The following FIG4 variants were observed in gnomAD, a reference collection of about 807,000 sequenced individuals.
FIG4 encodes FIG4 phosphoinositide 5-phosphatase, also known as polyphosphoinositide phosphatase.
FIG4 carries 112 observed loss-of-function variants against 118.6 expected under a neutral mutation model. That is an observed-to-expected ratio of 0.94 (90% CI 0.81 to 1.11). The LOEUF (loss-of-function observed/expected upper bound fraction) is 1.11. Among genes scored for constraint, FIG4 ranks in the 50% least tolerant of loss-of-function variants. FIG4 has a pLI of 0.00. For missense variants in FIG4, 969 were observed against 1,111.7 expected (o/e 0.87, Z 1.83); for synonymous variants, 369 against 381.2 (o/e 0.97, Z 0.37).
At chr6:109,741,188 C>T (rs1776312875) in intron 7 of FIG4, among the ~76,000 whole-genome samples, 1 of 152,094 alleles carries the variant, frequency 6.6e-6, no homozygotes, top group African/African-American at 2.4e-5. Context: ...GGCCAGTAAC[C>T]CTACACCTGG....
intron 22 of FIG4, among the ~76,000 whole-genome samples, chr6:109,823,605 C>G (rs78266780): frequency 6.6e-6 from 1 of 151,980 alleles, no homozygotes; most frequent in Non-Finnish European, 1.5e-5. Flanking sequence ...TGTATGTCAC[C>G]GTACTATCTA....
At chr6:109,792,531 TA>T in intron 20 of FIG4, 50 bp from the exon 21 acceptor site, 1 of 1,061,826 alleles carries the variant, frequency 9.4e-7, no homozygotes, top group South Asian at 1.3e-5. Context: ...ATTGATATGC[TA>T]TATGTCTAAA....
At chr6:109,801,672 T>C (rs1390353362) in intron 22 of FIG4, among the ~76,000 whole-genome samples, 1 of 152,198 alleles carries the variant, frequency 6.6e-6, no homozygotes, top group Non-Finnish European at 1.5e-5. Context: ...GGTGTGGGCT[T>C]CTACCAGGGG....
At chr6:109,759,908 T>C (rs1049301882) in intron 10 of FIG4, among the ~76,000 whole-genome samples, 2 of 152,168 alleles carry the variant, frequency 1.3e-5, no homozygotes, top group Non-Finnish European at 2.9e-5. Context: ...GGGGCTCCCT[T>C]CTTCTGGTCC....
intron 6 of FIG4, 89 bp from the exon 7 acceptor site, chr6:109,738,236 T>C (rs539883761): frequency 8.9e-7 from 1 of 1,117,764 alleles, no homozygotes; most frequent in Admixed American, 1.9e-5. Context: ...TGTCAGCCAA[T>C]TTCCATATCT....
chr6:109,754,642 T>C (rs1194206397), intron 10 of FIG4, among the ~76,000 whole-genome samples: 1 of 152,182 alleles, frequency 6.6e-6, no homozygotes, highest in Non-Finnish European at 1.5e-5. Flanking sequence ...TATTCAGAGA[T>C]TCAACTTCTT....
chr6:109,728,492 G>T (rs553039665), intron 4 of FIG4, among the ~76,000 whole-genome samples: 46 of 152,086 alleles, frequency 3.0e-4, no homozygotes, highest in Admixed American at 6.6e-4. Context: ...TTTAGGATAG[G>T]TAACAGTTTA....
intron 1 of FIG4, among the ~76,000 whole-genome samples, chr6:109,705,727 G>C (rs747598637): frequency 2.0e-5 from 3 of 152,170 alleles, no homozygotes; most frequent in Non-Finnish European, 4.4e-5. Context: ...TCATCCCATT[G>C]CAATTAATCT....
At chr6:109,733,915 AGTTTTTGT>A (rs1181182447) in intron 5 of FIG4, among the ~76,000 whole-genome samples, 1 of 151,998 alleles carries the variant, frequency 6.6e-6, no homozygotes, top group Admixed American at 6.6e-5. Context: ...TGTAGGTTAA[AGTTTTTGT>A]GCCTCATAAG....
At chr6:109,694,280 T>C (rs544789092) in intron 1 of FIG4, among the ~76,000 whole-genome samples, 11 of 152,324 alleles carry the variant, frequency 7.2e-5, no homozygotes, top group African/African-American at 2.4e-4. Context: ...AGCTTAGCGT[T>C]CCAATAACGG....
At chr6:109,754,926 C>A (rs1276696617) in intron 10 of FIG4, among the ~76,000 whole-genome samples, 1 of 151,436 alleles carries the variant, frequency 6.6e-6, no homozygotes, top group African/African-American at 2.4e-5. Context: ...TTTTTTTTGT[C>A]TCTATTTCCT....
intron 10 of FIG4, among the ~76,000 whole-genome samples, chr6:109,750,809 C>G (rs1776671464): frequency 6.6e-6 from 1 of 152,076 alleles, no homozygotes; most frequent in Admixed American, 6.6e-5. Flanking sequence ...GAAGGTTGCT[C>G]AAACAACATT....
intron 6 of FIG4, among the ~76,000 whole-genome samples, chr6:109,737,572 A>G (rs560824081): frequency 5.3e-5 from 8 of 152,306 alleles, no homozygotes; most frequent in Admixed American, 4.6e-4. Flanking sequence ...TGAGAAAAAA[A>G]TGGTCTTTAT....
intron 1 of FIG4, among the ~76,000 whole-genome samples, chr6:109,692,146 T>G (rs940166523): frequency 1.3e-5 from 2 of 152,252 alleles, no homozygotes; most frequent in African/African-American, 4.8e-5. Flanking sequence ...GCAGATCAGT[T>G]TGTATTTCGA....
At chr6:109,789,326 T>C (rs1461158376) in intron 18 of FIG4, among the ~76,000 whole-genome samples, 2 of 152,182 alleles carry the variant, frequency 1.3e-5, no homozygotes, top group African/African-American at 2.4e-5. Flanking sequence ...ACTGATAACA[T>C]TGAAATTATC....
chr6:109,727,358 A>C, intron 4 of FIG4, 93 bp downstream of exon 4: 2 of 1,013,892 alleles, frequency 2.0e-6, no homozygotes, highest in Admixed American at 1.7e-5. Flanking sequence ...GCATGGTCAT[A>C]GCTTGCTGTA....
chr6:109,810,067 G>A (rs1040915742), intron 22 of FIG4, among the ~76,000 whole-genome samples: 3 of 152,088 alleles, frequency 2.0e-5, no homozygotes, highest in Non-Finnish European at 4.4e-5. Context: ...CCTCCTTAGG[G>A]GCAAGGAGTC....
chr6:109,746,368 G>A (rs1019141822), intron 10 of FIG4, among the ~76,000 whole-genome samples: 4 of 152,254 alleles, frequency 2.6e-5, no homozygotes, highest in Middle Eastern at 6.8e-3. Flanking sequence ...GGTAAATGGT[G>A]CAACAAGAGT....
Position 109,695,017 on chromosome 6 carries a change from A to G in FIG4, c.66+3516A>G, listed in dbSNP as rs540456555. 3.9e-5 allele frequency among the ~76,000 whole-genome samples: 6 copies of G among 152,362 alleles called. 1 individual carries two copies. In the South Asian group the frequency reaches 1.2e-3, roughly 32 times the overall value. On this transcript the variant is annotated intron_variant, in intron 1 of 22. Transcript: ENST00000230124. ...GTAAATTAGTATAGCCATTATAGAA[A>G]ACAGTATGGAGGTTCCTCAAAAAAC... is the stretch of plus-strand genomic sequence containing the variant.
Sources: allele counts gnomAD v4.1 joint callset (sites outside exome capture counted in the v4.1 genomes callset), GRCh38; gene constraint gnomAD v4.1.1; transcripts MANE v1.5; gene names NCBI Gene and HGNC (gene_info 2026-07-23, HGNC 2026-07-21).